SLC25A48: variants seen among roughly 807,000 people sequenced by gnomAD.
The protein encoded by SLC25A48 is CTC-321K16.1.
Under a neutral mutation model 32.2 loss-of-function variants are expected in SLC25A48, and 29 were observed. The ratio of observed to expected loss-of-function variants is 0.90; its 90% confidence interval spans 0.67 to 1.23. The LOEUF is 1.23. Ranked by LOEUF, SLC25A48 falls within the 50% of genes most tolerant of loss-of-function variation. The pLI, the probability that SLC25A48 is intolerant of heterozygous loss-of-function variation, is 0.00. For missense variants in SLC25A48, 399 were observed against 422.7 expected (o/e 0.94, Z 0.49); for synonymous variants, 164 against 172.3 (o/e 0.95, Z 0.38).
chr5:135,862,080 T>C (rs1228591351), intron 4 of SLC25A48, among the ~76,000 whole-genome samples: 7 of 152,232 alleles, frequency 4.6e-5, no homozygotes, highest in Non-Finnish European at 7.4e-5. Context: ...TGAGCCTAAC[T>C]AGGTGGCCTG....
At chr5:135,728,213 G>A (rs1026429947) in intron 3 of SLC25A48, among the ~76,000 whole-genome samples, 2 of 149,340 alleles carry the variant, frequency 1.3e-5, no homozygotes, top group Non-Finnish European at 1.5e-5. Context: ...CTGAGATCGC[G>A]CCACTGCACT....
intron 3 of SLC25A48, among the ~76,000 whole-genome samples, chr5:135,753,184 G>A (rs1290629347): frequency 1.3e-5 from 2 of 151,912 alleles, no homozygotes; most frequent in Non-Finnish European, 2.9e-5. Flanking sequence ...GTAATGTCTT[G>A]AGGATATTTT....
intron 1 of SLC25A48, among the ~76,000 whole-genome samples, chr5:135,626,788 G>A (rs1335035849): frequency 6.6e-6 from 1 of 152,186 alleles, no homozygotes; most frequent in Non-Finnish European, 1.5e-5. Context: ...GGGTGTGAGA[G>A]CTGGGAGTTC....
At chr5:135,605,409 T>G (rs1275738037) in intron 1 of SLC25A48, among the ~76,000 whole-genome samples, 1 of 152,226 alleles carries the variant, frequency 6.6e-6, no homozygotes, top group African/African-American at 2.4e-5. Flanking sequence ...GTTTGCATCA[T>G]GCCTGTTTGA....
At chr5:135,627,857 C>G (rs367874847) in intron 1 of SLC25A48, among the ~76,000 whole-genome samples, 2 of 152,312 alleles carry the variant, frequency 1.3e-5, no homozygotes. Flanking sequence ...CTTTACCCAC[C>G]TCCCTCCTTT....
At chr5:135,591,439 C>G (rs770012975) in intron 1 of SLC25A48, among the ~76,000 whole-genome samples, 1 of 152,170 alleles carries the variant, frequency 6.6e-6, no homozygotes, top group Non-Finnish European at 1.5e-5. Flanking sequence ...GGCAGGAGCA[C>G]GGGCCTACAC....
At chr5:135,737,662 A>G (rs1755406619) in intron 3 of SLC25A48, among the ~76,000 whole-genome samples, 2 of 152,130 alleles carry the variant, frequency 1.3e-5, no homozygotes, top group African/African-American at 4.8e-5. Context: ...TTCCATCCCA[A>G]ACCTTCCCCT....
At chr5:135,622,018 G>A (rs1438050826) in intron 1 of SLC25A48, among the ~76,000 whole-genome samples, 2 of 152,040 alleles carry the variant, frequency 1.3e-5, no homozygotes, top group Admixed American at 1.3e-4. Flanking sequence ...ATAGAAAAAA[G>A]GGCAAAGGAC....
chr5:135,845,706 A>T (rs891550565), intron 2 of SLC25A48, among the ~76,000 whole-genome samples: 1 of 152,146 alleles, frequency 6.6e-6, no homozygotes, highest in African/African-American at 2.4e-5. Flanking sequence ...GGTACTGAGG[A>T]TACAGCAATG....
intron 7 of SLC25A48, among the ~76,000 whole-genome samples, chr5:135,882,059 C>G (rs1417063902): frequency 6.6e-6 from 1 of 152,240 alleles, no homozygotes. Context: ...TCACGATTGT[C>G]CTGCATTTAG....
At chr5:135,881,740 TAAAC>T (rs945277857) in intron 7 of SLC25A48, among the ~76,000 whole-genome samples, 15 of 152,318 alleles carry the variant, frequency 9.8e-5, no homozygotes, top group African/African-American at 3.1e-4. Context: ...AAAATTTAAA[TAAAC>T]AGAAAGAACA....
At chr5:135,776,094 C>T (rs1756550765) in intron 3 of SLC25A48, among the ~76,000 whole-genome samples, 1 of 151,842 alleles carries the variant, frequency 6.6e-6, no homozygotes, top group Non-Finnish European at 1.5e-5. Context: ...TACACGTCCC[C>T]TGTGATATTG....
At chr5:135,804,514 T>C (rs763631291) in intron 3 of SLC25A48, among the ~76,000 whole-genome samples, 1 of 151,472 alleles carries the variant, frequency 6.6e-6, no homozygotes, top group African/African-American at 2.4e-5. Context: ...GTACACCCTG[T>C]GTGTGCACCA....
chr5:135,587,499 G>A (rs1751394887), intron 1 of SLC25A48, among the ~76,000 whole-genome samples: 1 of 152,198 alleles, frequency 6.6e-6, no homozygotes, highest in Non-Finnish European at 1.5e-5. Context: ...GTGGTCTCTA[G>A]CACAGCAGAA....
intron 4 of SLC25A48, among the ~76,000 whole-genome samples, chr5:135,817,044 AG>A (rs1345944743): frequency 1.3e-5 from 2 of 152,256 alleles, no homozygotes; most frequent in Non-Finnish European, 1.5e-5. Flanking sequence ...AATGTATTTT[AG>A]AAAGAGCAAA....
intron 1 of SLC25A48, among the ~76,000 whole-genome samples, chr5:135,590,390 G>A (rs1751492786): frequency 2.0e-5 from 3 of 152,198 alleles, no homozygotes; most frequent in South Asian, 4.1e-4. Flanking sequence ...ATGGGCCCCC[G>A]GCCCCAGCCA....
At position 135,857,987 on chromosome 5, in the gene SLC25A48, A is replaced by G. The variant is rs1760471571; in HGVS notation, c.421+5166A>G. On this transcript the variant is annotated intron_variant, in intron 4 of 7. Transcript: ENST00000681962. ...GTAAGCCTCTGAGCAGTGAGAACAC[A>G]GGGACCCTGTCCTTCCACCATGGGG... 2.0e-5 allele frequency among the ~76,000 whole-genome samples: 3 copies of G among 152,202 alleles called. No homozygotes were observed. The South Asian group carries it at 6.2e-4, about 31-fold the overall frequency.
intron 4 of SLC25A48, among the ~76,000 whole-genome samples, chr5:135,862,789 A>T (rs140277312): frequency 8.2e-4 from 125 of 152,346 alleles, no homozygotes; most frequent in African/African-American, 2.9e-3. Flanking sequence ...ACATGGTGGG[A>T]CAAGGGAGCC....
chr5:135,764,632 A>AG (rs1274547711), intron 3 of SLC25A48, among the ~76,000 whole-genome samples: 4 of 151,424 alleles, frequency 2.6e-5, no homozygotes, highest in East Asian at 3.9e-4. Flanking sequence ...CGTAATATCC[A>AG]GGGGGGGAGA....
Sources: allele counts gnomAD v4.1 joint callset (sites outside exome capture counted in the v4.1 genomes callset), GRCh38; gene constraint gnomAD v4.1.1; transcripts MANE v1.5; gene names NCBI Gene and HGNC (gene_info 2026-07-23, HGNC 2026-07-21).